The following FNDC3B variants were observed in gnomAD, a reference collection of about 807,000 sequenced individuals.
FNDC3B encodes the protein fibronectin type III domain containing 3B, also known as fibronectin type III domain-containing protein 3B.
Under a neutral mutation model 151.5 loss-of-function variants are expected in FNDC3B, and 12 were observed. The ratio of observed to expected loss-of-function variants is 0.08; its 90% CI spans 0.05 to 0.13. The LOEUF (loss-of-function observed/expected upper bound fraction) is 0.13. Ranked by LOEUF, FNDC3B falls within the 10% of genes least tolerant of loss-of-function variation. FNDC3B has a pLI of 1.00. For synonymous variants in FNDC3B, 528 were observed against 549.0 expected, an observed-to-expected ratio of 0.96 and a Z score of 0.54; for missense variants, 1,214 against 1,505.3, an observed-to-expected ratio of 0.81 and a Z score of 3.20.
intron 1 of FNDC3B, among the ~76,000 whole-genome samples, chr3:172,052,169 C>A (rs1191563670): frequency 6.6e-6 from 1 of 151,118 alleles, no homozygotes. Context: ...ACTGCAGCCT[C>A]CGCCTCCTGG....
At chr3:172,079,265 GA>G (rs1007748278) in intron 1 of FNDC3B, among the ~76,000 whole-genome samples, 6 of 151,838 alleles carry the variant, frequency 4.0e-5, no homozygotes, top group African/African-American at 1.5e-4. Context: ...GCTGGTTGGG[GA>G]AAAAAAATAA....
chr3:172,327,921 C>T lies in FNDC3B; in HGVS notation c.1255-1031C>T, dbSNP rs182538612. ...AGACACATTGCTCAAGGCCCTGGGC[C>T]TGTCCAGTTAGAATGCTAAGATCCA... On this transcript the variant is annotated intron_variant, in intron 11 of 25. Coordinates refer to ENST00000415807, the MANE Select transcript of FNDC3B (RefSeq NM_022763.4). Among the ~76,000 whole-genome samples the T allele has an allele frequency of 5.3e-3, 800 of 152,308 alleles. 4 individuals are homozygous for T. The highest frequency in any genetic ancestry group is 7.6e-3 in the Non-Finnish European group (518 of 68,018).
At chr3:172,263,940 G>A (rs1728790912) in intron 6 of FNDC3B, among the ~76,000 whole-genome samples, 1 of 152,058 alleles carries the variant, frequency 6.6e-6, no homozygotes, top group Non-Finnish European at 1.5e-5. Context: ...GCCTGACTCT[G>A]CAGTGCTTCC....
intron 3 of FNDC3B, among the ~76,000 whole-genome samples, chr3:172,214,630 ACT>A (rs889242595): frequency 6.6e-6 from 1 of 151,568 alleles, no homozygotes; most frequent in African/African-American, 2.4e-5. Context: ...ATAAACTATG[ACT>A]CTGTGTTTAT....
intron 22 of FNDC3B, among the ~76,000 whole-genome samples, chr3:172,354,132 A>G (rs183368915): frequency 2.0e-5 from 3 of 152,294 alleles, no homozygotes. Context: ...AAATCAATCA[A>G]AACCTTAAAA....
intron 3 of FNDC3B, among the ~76,000 whole-genome samples, chr3:172,224,232 AT>A (rs1726436420): frequency 6.6e-6 from 1 of 152,264 alleles, no homozygotes; most frequent in African/African-American, 2.4e-5. Flanking sequence ...TGTGTCAAAA[AT>A]GCTGAGGCTG....
intron 11 of FNDC3B, among the ~76,000 whole-genome samples, chr3:172,315,727 C>T (rs755329468): frequency 6.6e-6 from 1 of 152,184 alleles, no homozygotes; most frequent in Non-Finnish European, 1.5e-5. Context: ...TCTACAAGCA[C>T]TTGTCATTCT....
chr3:172,397,561 G>GT lies in FNDC3B; in HGVS notation c.*92dup. The GT allele has an allele frequency of 1.2e-6, 1 of 867,268 alleles. No homozygotes were observed. Among genetic ancestry groups the GT allele is most frequent in the Non-Finnish European group, 1.7e-6 (1 of 590,232 alleles). 53.7% of individuals were successfully genotyped at this position (867,268 alleles called of 1,614,324 possible). A position where few individuals can be genotyped will look rare whatever the true frequency, so the allele number is the denominator to read the frequency against. ...ATACTCCCCTTTTTAAAGCCCTTTT[G>GT]TTTTTTGATTTATATACTCTGTTTT... On this transcript the variant is annotated 3_prime_UTR_variant, in exon 26 of 26. Transcript: ENST00000415807.
rs67882343 is a variant in FNDC3B at position 172,385,120 on chromosome 3, CATG to C, written c.3303+4031_3303+4033del. ...GCTATTCAGCAAACATTAACTTAAA[CATG>C]ATGTTTTAGTACTTCATTGTTCTGG... On this transcript the variant is annotated intron_variant, in intron 25 of 25. Transcript: ENST00000415807. 9.3e-3 allele frequency among the ~76,000 whole-genome samples: 1,414 copies of C among 151,672 alleles called. 18 individuals are homozygous for C. Among genetic ancestry groups the C allele is most frequent in the African/African-American group, 0.032 (1,334 of 41,322 alleles).
chr3:172,172,952 C>G (rs1432944175), intron 3 of FNDC3B, among the ~76,000 whole-genome samples: 1 of 152,098 alleles, frequency 6.6e-6, no homozygotes, highest in Non-Finnish European at 1.5e-5. Flanking sequence ...TGTATTTAAT[C>G]TTATATTAAT....
rs964896004 is a variant in FNDC3B at position 172,399,903 on chromosome 3, T to C, written c.*2428T>C. ...TGAATATTTGATCTTCTTGAGATTT[T>C]CATACTATCATTTAACCACCAGGAA... On this transcript the variant is annotated 3_prime_UTR_variant, in exon 26 of 26. Coordinates refer to ENST00000415807, the MANE Select transcript of FNDC3B (RefSeq NM_022763.4). 1.3e-5 allele frequency: 2 copies of C among 152,648 alleles called. No homozygotes were observed. Among genetic ancestry groups the C allele is most frequent in the Non-Finnish European group, 2.9e-5 (2 of 68,042 alleles). 9.5% of individuals were successfully genotyped at this position (152,648 alleles called of 1,614,324 possible). A position where few individuals can be genotyped will look rare whatever the true frequency, so the allele number is the denominator to read the frequency against.
intron 5 of FNDC3B, among the ~76,000 whole-genome samples, chr3:172,249,024 C>T (rs907209162): frequency 6.6e-5 from 10 of 151,408 alleles, no homozygotes; most frequent in South Asian, 2.1e-4. Context: ...TTTTTCCATG[C>T]GACACACCAA....
chr3:172,374,497 C>T (rs942673444), intron 23 of FNDC3B, among the ~76,000 whole-genome samples: 4 of 152,144 alleles, frequency 2.6e-5, no homozygotes, highest in East Asian at 1.9e-4. Context: ...CGGATTCAAG[C>T]GATTCTCCTG....
intron 3 of FNDC3B, among the ~76,000 whole-genome samples, chr3:172,196,414 T>C (rs1009856819): frequency 3.9e-5 from 6 of 152,114 alleles, no homozygotes; most frequent in Admixed American, 2.6e-4. Context: ...CTCAAACTCT[T>C]GGCCTGAAGG....
chr3:172,132,334 C>G (rs1293277559), intron 2 of FNDC3B, among the ~76,000 whole-genome samples: 1 of 152,164 alleles, frequency 6.6e-6, no homozygotes. Flanking sequence ...CTGTCAATTT[C>G]TAGAAATTAT....
chr3:172,163,290 T>A (rs527700276), intron 3 of FNDC3B, among the ~76,000 whole-genome samples: 6 of 150,130 alleles, frequency 4.0e-5, no homozygotes, highest in East Asian at 3.9e-4. Flanking sequence ...AAAAAAAAAA[T>A]AGAATTATAA....
chr3:172,066,733 C>T (rs1717518662), intron 1 of FNDC3B, among the ~76,000 whole-genome samples: 1 of 152,164 alleles, frequency 6.6e-6, no homozygotes, highest in Admixed American at 6.5e-5. Context: ...GAAGAAAATG[C>T]TACACATGGA....
rs1038011817 is a variant in FNDC3B at position 172,040,275 on chromosome 3, G to T, written c.-29+504G>T. On this transcript the variant is annotated intron_variant, in intron 1 of 25. Transcript: ENST00000415807. This position sits in a 1 kb window ranked among gnomAD's most constrained non-coding sequence, Gnocchi z 6.6. ...AGATTTCCATATGGTGGAGGGAAGA[G>T]GGCGGGAGTGCGAAGTGGGGCTGGA... Among the ~76,000 whole-genome samples, 3 of 152,056 alleles carry T rather than the reference G, an allele frequency of 2.0e-5. No homozygotes were observed. The highest frequency in any genetic ancestry group is 4.8e-5 in the African/African-American group (2 of 41,426).
intron 6 of FNDC3B, among the ~76,000 whole-genome samples, chr3:172,270,985 A>G (rs778583460): frequency 6.6e-6 from 1 of 152,202 alleles, no homozygotes; most frequent in African/African-American, 2.4e-5. Flanking sequence ...TAAGAATTCT[A>G]TGGTAAGCCT....
Sources: gnomAD v4.1 joint callset for allele counts (sites outside exome capture counted in the v4.1 genomes callset) on GRCh38, gnomAD v4.1.1 for gene constraint, Gnocchi (gnomAD v3.1) non-coding constraint, MANE v1.5 for transcripts, NCBI Gene and HGNC (gene_info 2026-07-23, HGNC 2026-07-21) for gene names.